DGKI: variants seen among roughly 807,000 people sequenced by gnomAD.
DGKI encodes the protein diacylglycerol kinase iota.
Under a neutral mutation model 147.5 loss-of-function variants are expected in DGKI, and 55 were observed. The observed-to-expected ratio is 0.37, with a 90% CI of 0.30 to 0.47. The LOEUF is 0.47. Ranked by LOEUF, DGKI falls within the 20% of genes least tolerant of loss-of-function variation. The pLI, the probability that DGKI is intolerant of heterozygous loss-of-function variation, is 1.00. For missense variants in DGKI, 1,007 were observed against 1,323.8 expected (o/e 0.76, Z 3.71); for synonymous variants, 469 against 477.1 (o/e 0.98, Z 0.22).
At chr7:137,689,348 T>C (rs1019337724) in intron 2 of DGKI, among the ~76,000 whole-genome samples, 1 of 152,196 alleles carries the variant, frequency 6.6e-6, no homozygotes, top group East Asian at 1.9e-4. Context: ...CAGACTATAA[T>C]CTTCAAGTCA....
intron 8 of DGKI, among the ~76,000 whole-genome samples, chr7:137,612,290 A>AATGC (rs1238927037): frequency 1.3e-5 from 2 of 150,654 alleles, no homozygotes; most frequent in Non-Finnish European, 3.0e-5. Flanking sequence ...CACCAAACCA[A>AATGC]ATGCATCTGA....
chr7:137,453,042 A>G (rs941298759), intron 27 of DGKI: 1 of 152,208 alleles, frequency 6.6e-6, no homozygotes, highest in Non-Finnish European at 1.5e-5. Context: ...CTCCAGGCAC[A>G]TTTCAACGGT....
intron 1 of DGKI, among the ~76,000 whole-genome samples, chr7:137,815,554 C>T (rs1797713225): frequency 6.6e-6 from 1 of 152,162 alleles, no homozygotes; most frequent in Non-Finnish European, 1.5e-5. Flanking sequence ...TTCTAATTCA[C>T]ATATTCAACA....
At chr7:137,666,716 A>G (rs960706384) in intron 3 of DGKI, among the ~76,000 whole-genome samples, 1 of 152,106 alleles carries the variant, frequency 6.6e-6, no homozygotes, top group Non-Finnish European at 1.5e-5. Flanking sequence ...CCCTCCATCT[A>G]GATTACTGGG....
chr7:137,814,409 G>A (rs542857124), intron 1 of DGKI, among the ~76,000 whole-genome samples: 1 of 152,208 alleles, frequency 6.6e-6, no homozygotes, highest in African/African-American at 2.4e-5. Context: ...TAGCTTCTCT[G>A]AGGCTAATAA....
intron 6 of DGKI, among the ~76,000 whole-genome samples, chr7:137,642,006 T>C (rs1234250322): frequency 4.6e-5 from 7 of 152,322 alleles, no homozygotes; most frequent in African/African-American, 1.7e-4. Context: ...TTTGACTGAA[T>C]GAAGGCAATG....
chr7:137,805,161 TTTTA>T (rs1421553002), intron 1 of DGKI, among the ~76,000 whole-genome samples: 1 of 152,170 alleles, frequency 6.6e-6, no homozygotes, highest in African/African-American at 2.4e-5. Context: ...TTCTCCCTCG[TTTTA>T]TTTATGTTTT....
chr7:137,637,088 G>A (rs1323318874), intron 6 of DGKI, among the ~76,000 whole-genome samples: 1 of 152,186 alleles, frequency 6.6e-6, no homozygotes, highest in East Asian at 1.9e-4. Context: ...GTGGGTCAAG[G>A]CCAAGGTCAA....
At chr7:137,642,622 A>G (rs1821670462) in intron 6 of DGKI, among the ~76,000 whole-genome samples, 1 of 152,224 alleles carries the variant, frequency 6.6e-6, no homozygotes, top group East Asian at 1.9e-4. Context: ...TTATAAACCT[A>G]GTAGCCTGAG....
rs934881385 is a variant in DGKI, at chr7:137,468,261, T to C, written c.2443+1289A>G. On this transcript the variant is annotated intron_variant, in intron 24 of 32. Coordinates refer to ENST00000614521, the MANE Select transcript of DGKI (RefSeq NM_001321708.2). ...TGCCTTGGAGAAATTCACTCTACTTTTTTCTTTTAAACCATGACTGCAATT... is the reference window on the plus strand; with the variant it reads ...TGCCTTGGAGAAATTCACTCTACTTCTTTCTTTTAAACCATGACTGCAATT... Among the ~76,000 whole-genome samples, 15 of 152,204 alleles carry C rather than the reference T, an allele frequency of 9.9e-5. 1 individual carries two copies. The highest frequency in any genetic ancestry group is 7.2e-4 in the Admixed American group (11 of 15,278).
intron 23 of DGKI, among the ~76,000 whole-genome samples, chr7:137,474,055 C>G (rs1018940229): frequency 4.6e-5 from 7 of 152,272 alleles, no homozygotes; most frequent in Admixed American, 4.6e-4. Context: ...CTCTTTCCAC[C>G]TTGTTCCTTT....
chr7:137,663,024 C>G (rs983017837), intron 3 of DGKI, among the ~76,000 whole-genome samples: 7 of 152,188 alleles, frequency 4.6e-5, no homozygotes, highest in African/African-American at 1.7e-4. Context: ...TCTGTAGATG[C>G]TGGGTATCTG....
At chr7:137,683,679 A>G (rs566509973) in intron 2 of DGKI, among the ~76,000 whole-genome samples, 26 of 152,296 alleles carry the variant, frequency 1.7e-4, no homozygotes, top group African/African-American at 6.0e-4. Flanking sequence ...ATAGTATACA[A>G]CTCAAAGAGT....
At chr7:137,414,086 T>C (rs1391730593) in intron 28 of DGKI, among the ~76,000 whole-genome samples, 4 of 152,220 alleles carry the variant, frequency 2.6e-5, no homozygotes, top group African/African-American at 9.6e-5. Flanking sequence ...CCAAAAGTGC[T>C]GTATCATGCA....
rs1207049207 is a variant in DGKI at position 137,656,484 on chromosome 7, G to A, written c.663C>T (p.Cys221=). 1.2e-6 allele frequency: 2 copies of A among 1,614,014 alleles called. No individual in the cohort carries two copies. Among genetic ancestry groups the A allele is most frequent in the Non-Finnish European group, 1.7e-6 (2 of 1,180,014 alleles). The change falls in exon 4 of 33, where the codon TGC becomes TGT. Residue 221 remains cysteine (C), a synonymous_variant. Coordinates refer to ENST00000614521, the MANE Select transcript of DGKI (RefSeq NM_001321708.2). ...CTCTTACCTTTTCTAGCTGCTCAAT[G>A]CAGGCGGTGTGGACGACGATTTTAC... ...AVCKIVVHTA[C]IEQLEKINFR...
chr7:137,434,606 A>G (rs58062043), intron 28 of DGKI, among the ~76,000 whole-genome samples: 13,091 of 152,100 alleles, frequency 0.086, 1,611 homozygotes, highest in African/African-American at 0.27. Context: ...CAAACAAAAA[A>G]GAGTATTCCC....
At chr7:137,728,121 G>T (rs1198220929) in intron 1 of DGKI, among the ~76,000 whole-genome samples, 2 of 152,176 alleles carry the variant, frequency 1.3e-5, no homozygotes, top group Non-Finnish European at 2.9e-5. Context: ...AGAATGTCTG[G>T]TCAATAAATA....
At chr7:137,397,888 C>A (rs1000504603) in intron 30 of DGKI, among the ~76,000 whole-genome samples, 1 of 152,098 alleles carries the variant, frequency 6.6e-6, no homozygotes, top group African/African-American at 2.4e-5. Context: ...CTTCTCAGAC[C>A]AGAAAGAAAT....
intron 25 of DGKI, among the ~76,000 whole-genome samples, chr7:137,466,394 T>C (rs956315461): frequency 1.3e-5 from 2 of 152,244 alleles, no homozygotes; most frequent in South Asian, 2.1e-4. Context: ...CTAAGCAGCA[T>C]GGTTAACAAC....
Sources: allele counts gnomAD v4.1 joint callset (sites outside exome capture counted in the v4.1 genomes callset), GRCh38; gene constraint gnomAD v4.1.1; transcripts MANE v1.5; gene names NCBI Gene and HGNC (gene_info 2026-07-23, HGNC 2026-07-21).